DRD2: variants seen among roughly 807,000 people sequenced by gnomAD.
The protein encoded by DRD2 is dopamine receptor D2.
In DRD2, 8 loss-of-function variants were observed where a neutral mutation model predicts 38.0. That is an observed-to-expected ratio of 0.21 (90% CI 0.12 to 0.38). DRD2 has a LOEUF of 0.38. DRD2 is among the 10% of genes least tolerant of loss of function. The pLI is 1.00. For synonymous variants in DRD2, 230 were observed against 238.6 expected (o/e 0.96, Z 0.33); for missense variants, 403 against 607.7 (o/e 0.66, Z 3.54).
intron 1 of DRD2, among the ~76,000 whole-genome samples, chr11:113,472,297 C>T (rs1951436161): frequency 6.6e-6 from 1 of 152,130 alleles, no homozygotes. Flanking sequence ...AGGCAGAGTC[C>T]CCACGTCTTT....
Position 113,415,619 on chromosome 11 carries a change from A to G in DRD2, c.533-8T>C. 1 of 1,609,170 alleles carries G rather than the reference A, an allele frequency of 6.2e-7. No homozygotes were observed. The highest frequency in any genetic ancestry group is 2.2e-5 in the East Asian group (1 of 44,572). On this transcript the variant is annotated splice_polypyrimidine_tract_variant and splice_region_variant and intron_variant, in intron 4 of 7. Transcript: ENST00000362072. ...TGATGCACTCGTTCTGGTCTGGGGG[A>G]GGGAGAGCCCGGGCAGGCAGGGAGT...
At position 113,415,453 on chromosome 11, in the gene DRD2, C is replaced by T; in HGVS notation, c.691G>A (p.Ala231Thr). Residue 231 changes from alanine to threonine, a missense_variant, in exon 5 of 8, where the codon GCT becomes ACT. Physicochemically the swap from Ala to Thr is moderately conservative, Grantham distance 58. This residue lies in a region of DRD2 where 166 missense variants were observed against 178.6 expected (regional missense o/e 0.93). Transcript: ENST00000362072. ...KRVNTKRSSR[A>T]FRAHLRAPLK... ...GGAGCCCTCAGGTGGGCCCTGAAAG[C>T]TCGGCTGCTGCGTTTGGTGTTGACT... 1 of 1,613,786 alleles carries T rather than the reference C, an allele frequency of 6.2e-7. No homozygotes were observed. Among genetic ancestry groups the T allele is most frequent in the Non-Finnish European group, 8.5e-7 (1 of 1,179,782 alleles).
intron 2 of DRD2, among the ~76,000 whole-genome samples, chr11:113,419,175 T>C (rs746024391): frequency 1.3e-5 from 2 of 152,212 alleles, no homozygotes; most frequent in African/African-American, 2.4e-5. Flanking sequence ...CTTCAGTGGT[T>C]GGCCCAGTAC....
chr11:113,446,928 A>T (rs1047745761), intron 1 of DRD2, among the ~76,000 whole-genome samples: 6 of 152,224 alleles, frequency 3.9e-5, no homozygotes, highest in Non-Finnish European at 8.8e-5. Flanking sequence ...CCATTGCCAC[A>T]GGAGCTGATG....
At chr11:113,439,999 A>T (rs1017041653) in intron 1 of DRD2, among the ~76,000 whole-genome samples, 11 of 151,524 alleles carry the variant, frequency 7.3e-5, no homozygotes, top group African/African-American at 2.4e-4. Flanking sequence ...GGGCTCTCTG[A>T]CTCCTGGAAA....
At chr11:113,431,744 G>A (rs1193169577) in intron 1 of DRD2, among the ~76,000 whole-genome samples, 2 of 152,230 alleles carry the variant, frequency 1.3e-5, no homozygotes, top group African/African-American at 2.4e-5. Context: ...TTGGGATGTA[G>A]AGGCAGGCAC....
intron 1 of DRD2, among the ~76,000 whole-genome samples, chr11:113,473,640 A>G (rs1419902473): frequency 1.3e-5 from 2 of 152,158 alleles, no homozygotes; most frequent in Non-Finnish European, 2.9e-5. Context: ...CAGAGATGGC[A>G]TCAAAACCCC....
chr11:113,416,701 GC>G (rs1950830887), intron 4 of DRD2, among the ~76,000 whole-genome samples, 161 bp downstream of exon 4: 1 of 152,216 alleles, frequency 6.6e-6, no homozygotes, highest in Non-Finnish European at 1.5e-5. Flanking sequence ...CTTGAGTGGG[GC>G]TTGGCCCAGG....
chr11:113,435,377 G>T (rs1951026003), intron 1 of DRD2, among the ~76,000 whole-genome samples: 1 of 152,120 alleles, frequency 6.6e-6, no homozygotes, highest in African/African-American at 2.4e-5. Flanking sequence ...GCGGGGTGGT[G>T]GCGGTGCTGT....
intron 1 of DRD2, among the ~76,000 whole-genome samples, chr11:113,445,048 A>T (rs1284013744): frequency 6.6e-6 from 1 of 152,204 alleles, no homozygotes; most frequent in Non-Finnish European, 1.5e-5. Context: ...TGCAAAACTC[A>T]GTGCTGCACA....
intron 1 of DRD2, among the ~76,000 whole-genome samples, chr11:113,455,144 C>T (rs144851051): frequency 0.064 from 9,741 of 151,952 alleles, 356 homozygotes; most frequent in East Asian, 0.14. Context: ...GTCAGGAGTT[C>T]GAGACCATCT....
At chr11:113,419,977 T>G (rs2245805) in intron 2 of DRD2, among the ~76,000 whole-genome samples, 98,558 of 152,130 alleles carry the variant, frequency 0.65, 33,339 homozygotes, top group Non-Finnish European at 0.76. Flanking sequence ...CGCTGACCAG[T>G]TTGGCAGGAG....
At chr11:113,421,405 T>C (rs1236365096) in intron 2 of DRD2, among the ~76,000 whole-genome samples, 3 of 152,132 alleles carry the variant, frequency 2.0e-5, no homozygotes, top group Non-Finnish European at 4.4e-5. Flanking sequence ...ACTGAGTGAA[T>C]GAATAACTCT....
chr11:113,413,284 C>A (rs1950788143), intron 6 of DRD2: 3 of 551,452 alleles, frequency 5.4e-6, no homozygotes, highest in Admixed American at 1.9e-5. Context: ...GGGTGCCCAC[C>A]CCTGTTCTCC....
At chr11:113,425,974 G>A (rs1002694626) in intron 1 of DRD2, among the ~76,000 whole-genome samples, 1 of 152,068 alleles carries the variant, frequency 6.6e-6, no homozygotes, top group Admixed American at 6.6e-5. Context: ...TGAGAGGTTG[G>A]GCCCAGAGAC....
chr11:113,468,093 A>G (rs1951387495), intron 1 of DRD2, among the ~76,000 whole-genome samples: 1 of 152,236 alleles, frequency 6.6e-6, no homozygotes, highest in Admixed American at 6.5e-5. Flanking sequence ...CACTTTTCCC[A>G]GGGACTCTTT....
rs1555167764 is a variant in DRD2 at position 113,452,467 on chromosome 11, TGTGCGCGCGCGCGC to T, written c.-32+22595_-32+22608del. ...GTGTGTGTGTGTGTGTGTGTGTGTG[TGTGCGCGCGCGCGC>T]GCGCGCACATTGGGGGACAGGAAAT... On this transcript the variant is annotated intron_variant, in intron 1 of 7. Coordinates refer to ENST00000362072, the MANE Select transcript of DRD2 (RefSeq NM_000795.4). 5.1e-3 allele frequency among the ~76,000 whole-genome samples: 465 copies of T among 91,130 alleles called. 3 individuals are homozygous for T. Among genetic ancestry groups the T allele is most frequent in the South Asian group, 0.026 (71 of 2,728 alleles). The allele number at this position is 91,130 out of a possible 152,430, so 59.8% of individuals were successfully genotyped here. A position where few individuals can be genotyped will look rare whatever the true frequency, so the allele number is the denominator to read the frequency against.
chr11:113,436,647 T>C (rs1192094749), intron 1 of DRD2, among the ~76,000 whole-genome samples: 1 of 152,060 alleles, frequency 6.6e-6, no homozygotes, highest in African/African-American at 2.4e-5. Flanking sequence ...TGGAAGAAAA[T>C]TGGCCATAAT....
At chr11:113,468,898 C>T (rs1951395479) in intron 1 of DRD2, among the ~76,000 whole-genome samples, 1 of 152,186 alleles carries the variant, frequency 6.6e-6, no homozygotes, top group African/African-American at 2.4e-5. Context: ...CTGTGTCTGT[C>T]CAGGATCCCA....
Sources: gnomAD v4.1 joint callset for allele counts (sites outside exome capture counted in the v4.1 genomes callset) on GRCh38, gnomAD v4.1.1 for gene constraint, gnomAD v4.1.1 regional missense constraint, MANE v1.5 for transcripts, NCBI Gene and HGNC (gene_info 2026-07-23, HGNC 2026-07-21) for gene names.